The following CDH9 variants were observed in gnomAD, a reference collection of about 807,000 sequenced individuals.
The protein encoded by CDH9 is cadherin-9.
In CDH9, 28 loss-of-function variants were observed where a neutral mutation model predicts 70.9. That is an observed-to-expected ratio of 0.40 (90% CI 0.29 to 0.54). The LOEUF (loss-of-function observed/expected upper bound fraction) is 0.54, where lower values mean the gene tolerates loss of function less well. Among genes scored for constraint, CDH9 ranks in the 20% least tolerant of loss-of-function variants. CDH9 has a pLI of 0.59. For synonymous variants in CDH9, 409 were observed against 343.1 expected, an observed-to-expected ratio of 1.19 and a Z score of -2.12; for missense variants, 874 against 984.4, an observed-to-expected ratio of 0.89 and a Z score of 1.50.
At chr5:27,017,875 A>G (rs1349957759) in intron 1 of CDH9, among the ~76,000 whole-genome samples, 1 of 151,870 alleles carries the variant, frequency 6.6e-6, no homozygotes, top group Non-Finnish European at 1.5e-5. Flanking sequence ...TTTAATGTAT[A>G]TTATATTGTA....
chr5:27,010,237 C>G (rs1244257164), intron 1 of CDH9, among the ~76,000 whole-genome samples: 1 of 152,060 alleles, frequency 6.6e-6, no homozygotes, highest in Non-Finnish European at 1.5e-5. Context: ...ATGTTTCCCT[C>G]CCCTCAGTCA....
rs111442104 is a variant in CDH9 at position 26,900,765 on chromosome 5, A to G, written c.1253+1711T>C. 3.5e-3 allele frequency among the ~76,000 whole-genome samples: 532 copies of G among 152,206 alleles called. 4 individuals carry two copies. The highest frequency in any genetic ancestry group is 0.012 in the African/African-American group (512 of 41,560). On this transcript the variant is annotated intron_variant, in intron 7 of 11. Transcript: ENST00000231021. ...AGCATAAAAATATGGTGCAACAGACACTAAGGAGAAATCAAGACACAACCA... is the reference window on the plus strand; with the variant it reads ...AGCATAAAAATATGGTGCAACAGACGCTAAGGAGAAATCAAGACACAACCA...
At chr5:26,890,863 A>G (rs941883673) in intron 7 of CDH9, 14 of 283,086 alleles carry the variant, frequency 4.9e-5, no homozygotes, top group Non-Finnish European at 6.7e-6. Flanking sequence ...ATCCTATCGT[A>G]GGCCTACTGC....
chr5:26,972,480 C>T (rs529584391), intron 2 of CDH9, among the ~76,000 whole-genome samples: 2 of 152,240 alleles, frequency 1.3e-5, no homozygotes, highest in Admixed American at 6.5e-5. Context: ...AGAATACTCA[C>T]GTTCTGCCAT....
At chr5:27,030,900 AT>A (rs891486427) in intron 1 of CDH9, among the ~76,000 whole-genome samples, 4 of 151,834 alleles carry the variant, frequency 2.6e-5, no homozygotes, top group Non-Finnish European at 5.9e-5. Context: ...TATTATTTGA[AT>A]TTTTTTAGTG....
chr5:26,999,496 G>A (rs1382530605), intron 1 of CDH9, among the ~76,000 whole-genome samples: 2 of 152,140 alleles, frequency 1.3e-5, no homozygotes, highest in Admixed American at 6.5e-5. Flanking sequence ...TGTAGGTACA[G>A]TAATCATGAT....
At chr5:27,011,430 G>A (rs771892753) in intron 1 of CDH9, among the ~76,000 whole-genome samples, 6 of 151,988 alleles carry the variant, frequency 3.9e-5, no homozygotes, top group African/African-American at 9.7e-5. Context: ...ACCATGTGAA[G>A]AAGGAGACAG....
chr5:27,012,591 T>C (rs191501999), intron 1 of CDH9, among the ~76,000 whole-genome samples: 15 of 152,150 alleles, frequency 9.9e-5, no homozygotes, highest in African/African-American at 3.1e-4. Context: ...ATGAGTCTAA[T>C]GTACCATTTG....
intron 1 of CDH9, among the ~76,000 whole-genome samples, chr5:26,989,817 T>C (rs1742550946): frequency 6.6e-6 from 1 of 152,024 alleles, no homozygotes; most frequent in Non-Finnish European, 1.5e-5. Context: ...TGTGCCCTAC[T>C]GTCTGTGATA....
chr5:26,924,787 G>A (rs1741307935), intron 2 of CDH9, among the ~76,000 whole-genome samples: 3 of 152,072 alleles, frequency 2.0e-5, no homozygotes, highest in South Asian at 4.2e-4. Flanking sequence ...CCACCTATAA[G>A]TGAGAACATG....
chr5:26,996,859 G>A (rs1393803902), intron 1 of CDH9, among the ~76,000 whole-genome samples: 4 of 151,620 alleles, frequency 2.6e-5, no homozygotes, highest in Non-Finnish European at 5.9e-5. Flanking sequence ...ATGTAATTTG[G>A]TATACTATCT....
intron 1 of CDH9, among the ~76,000 whole-genome samples, chr5:27,025,629 T>C (rs995766474): frequency 1.3e-5 from 2 of 152,048 alleles, no homozygotes; most frequent in African/African-American, 4.8e-5. Context: ...AGAAATGCCA[T>C]TGTGTAATTA....
chr5:26,896,539 A>AGAATAGAATGAAATGAAAATTT (rs1423862579), intron 7 of CDH9, among the ~76,000 whole-genome samples: 3 of 136,060 alleles, frequency 2.2e-5, no homozygotes, highest in African/African-American at 8.2e-5. Flanking sequence ...ATTTCATTAT[A>AGAATAGAATGAAATGAAAATTT]CAATAGAATG....
chr5:26,890,732 CAT>C (rs2111973484), intron 7 of CDH9, 168 bp from the exon 8 acceptor site: 1 of 574,404 alleles, frequency 1.7e-6, no homozygotes, highest in South Asian at 2.2e-5. Flanking sequence ...TGAGCAATTT[CAT>C]ATGTTTGACT....
intron 1 of CDH9, among the ~76,000 whole-genome samples, chr5:27,028,540 A>G (rs915296035): frequency 2.0e-5 from 3 of 151,992 alleles, no homozygotes. Context: ...AAATCATATG[A>G]AAAAGGGCAT....
At chr5:26,999,358 C>T (rs114122309) in intron 1 of CDH9, among the ~76,000 whole-genome samples, 97 of 152,240 alleles carry the variant, frequency 6.4e-4, no homozygotes, top group Admixed American at 2.0e-3. Context: ...ATAAGGATAG[C>T]AGTGAGTTAA....
At chr5:26,940,348 A>G (rs1267135665) in intron 2 of CDH9, among the ~76,000 whole-genome samples, 2 of 152,174 alleles carry the variant, frequency 1.3e-5, no homozygotes, top group African/African-American at 4.8e-5. Context: ...TTCCCTGAAA[A>G]GATTCCCAGG....
At chr5:26,886,131 C>T in intron 9 of CDH9, 48 bp from the exon 10 acceptor site, 3 of 1,534,170 alleles carry the variant, frequency 2.0e-6, no homozygotes, top group South Asian at 1.3e-5. Context: ...AGGCAATGTT[C>T]TTGTTATTAC....
At chr5:27,005,349 CAAGCAAAGAACATG>C (rs1742842740) in intron 1 of CDH9, among the ~76,000 whole-genome samples, 1 of 151,748 alleles carries the variant, frequency 6.6e-6, no homozygotes, top group South Asian at 2.1e-4. Flanking sequence ...AACTGCAATG[CAAGCAAAGAACATG>C]AACTGACACT....
Sources: allele counts gnomAD v4.1 joint callset (sites outside exome capture counted in the v4.1 genomes callset), GRCh38; gene constraint gnomAD v4.1.1; transcripts MANE v1.5; gene names NCBI Gene and HGNC (gene_info 2026-07-23, HGNC 2026-07-21).